The following MIGA1 variants were observed in gnomAD, a reference collection of about 807,000 sequenced individuals.
MIGA1 encodes mitoguardin 1.
In MIGA1, 58 loss-of-function variants were observed where a neutral mutation model predicts 82.0. The observed-to-expected ratio is 0.71, with a 90% CI of 0.57 to 0.88. The LOEUF (loss-of-function observed/expected upper bound fraction) is 0.88. Among genes scored for constraint, MIGA1 ranks in the 40% least tolerant of loss-of-function variants. The pLI is 0.00. For missense variants in MIGA1, 751 were observed against 749.1 expected (o/e 1.00, Z -0.03); for synonymous variants, 249 against 253.6 (o/e 0.98, Z 0.17).
intron 14 of MIGA1, among the ~76,000 whole-genome samples, chr1:77,869,649 G>A (rs1685833517): frequency 7.2e-6 from 1 of 139,168 alleles, no homozygotes; most frequent in South Asian, 2.4e-4. Flanking sequence ...GGGCGGCCGG[G>A]CAGAGGCGCC....
intron 5 of MIGA1, among the ~76,000 whole-genome samples, chr1:77,812,733 G>A (rs1164682397): frequency 6.6e-6 from 1 of 151,880 alleles, no homozygotes; most frequent in Non-Finnish European, 1.5e-5. Flanking sequence ...TTTTTAATTT[G>A]GAGAAAAGGA....
At chr1:77,780,968 G>C (rs1681885016) in intron 1 of MIGA1, among the ~76,000 whole-genome samples, 1 of 148,858 alleles carries the variant, frequency 6.7e-6, no homozygotes, top group South Asian at 2.1e-4. Context: ...GTGCAATGGC[G>C]TGATCTCTGC....
At chr1:77,827,377 G>A (rs1684071147) in intron 7 of MIGA1, among the ~76,000 whole-genome samples, 1 of 152,108 alleles carries the variant, frequency 6.6e-6, no homozygotes, top group Non-Finnish European at 1.5e-5. Flanking sequence ...GGGAGGCTGA[G>A]TGGGGAGGGT....
intron 8 of MIGA1, chr1:77,847,501 T>C: frequency 7.0e-7 from 1 of 1,432,896 alleles, no homozygotes; most frequent in Non-Finnish European, 9.8e-7. Flanking sequence ...GAACGAGAAA[T>C]GGAAAAGGAA....
In MIGA1 at chr1:77,814,243, A is replaced by T. The variant is rs151058858; in HGVS notation, c.771+376A>T. ...ATTTGCTTTATGTGCATTTAATAGAACTGTTTTTTTCTTCTTCCTTGGGAC... is the reference window on the plus strand; with the variant it reads ...ATTTGCTTTATGTGCATTTAATAGATCTGTTTTTTTCTTCTTCCTTGGGAC... On this transcript the variant is annotated intron_variant, in intron 6 of 15. Transcript: ENST00000370791. Among the ~76,000 whole-genome samples the T allele has an allele frequency of 4.1e-3, 626 of 152,028 alleles. 3 individuals carry two copies. Among genetic ancestry groups the T allele is most frequent in the African/African-American group, 0.014 (572 of 41,372 alleles).
At chr1:77,848,509 A>T in intron 8 of MIGA1, 1 of 1,173,182 alleles carries the variant, frequency 8.5e-7, no homozygotes, top group Non-Finnish European at 1.2e-6. Flanking sequence ...CCCAAGTTCT[A>T]GGGCAAAGAA....
At chr1:77,869,755 C>A (rs1685848905) in intron 14 of MIGA1, among the ~76,000 whole-genome samples, 1 of 123,244 alleles carries the variant, frequency 8.1e-6, no homozygotes, top group Admixed American at 7.3e-5. Flanking sequence ...CCCCGCCTGC[C>A]TCCCGGACGG....
At chr1:77,842,995 C>G (rs1173083695) in intron 7 of MIGA1, among the ~76,000 whole-genome samples, 1 of 152,212 alleles carries the variant, frequency 6.6e-6, no homozygotes, top group African/African-American at 2.4e-5. Flanking sequence ...TTCAAACTAG[C>G]TGTGATATAT....
At chr1:77,811,684 T>C in intron 5 of MIGA1, 1 of 1,611,916 alleles carries the variant, frequency 6.2e-7, no homozygotes, top group Non-Finnish European at 8.5e-7. Context: ...CTGATACTCG[T>C]CTATCGCCTC....
chr1:77,799,248 G>A (rs1432088378), intron 2 of MIGA1, among the ~76,000 whole-genome samples: 1 of 152,048 alleles, frequency 6.6e-6, no homozygotes. Context: ...CACAACCATT[G>A]CAAATTTGAC....
intron 5 of MIGA1, among the ~76,000 whole-genome samples, chr1:77,812,428 A>G (rs1462925288): frequency 6.6e-6 from 1 of 152,190 alleles, no homozygotes; most frequent in East Asian, 1.9e-4. Flanking sequence ...TGGGCAACAG[A>G]GTGAGACTCT....
chr1:77,786,838 T>C (rs1053573857), intron 2 of MIGA1, among the ~76,000 whole-genome samples: 2 of 152,244 alleles, frequency 1.3e-5, no homozygotes, highest in Non-Finnish European at 2.9e-5. Context: ...TATTTGAACC[T>C]CTGCCTGTTA....
At chr1:77,841,806 T>C (rs1684639276) in intron 7 of MIGA1, among the ~76,000 whole-genome samples, 1 of 151,772 alleles carries the variant, frequency 6.6e-6, no homozygotes, top group South Asian at 2.1e-4. Context: ...CTTTTTTCTT[T>C]CTTTTTTTTT....
At position 77,815,182 on chromosome 1, in the gene MIGA1, T is replaced by C; in HGVS notation, c.846T>C (p.Phe282=). ...GAGCCTATCGTCTCCAAGAGGAGTT[T>C]GAAGCTACCCTTGGGGCATCTGATC... is the stretch of plus-strand genomic sequence containing the variant. The change falls in exon 7 of 16, where the codon TTT becomes TTC. Residue 282 remains phenylalanine, a synonymous_variant. Coordinates refer to ENST00000370791, the MANE Select transcript of MIGA1 (RefSeq NM_198549.4). 1 of 1,611,058 alleles carries C rather than the reference T, an allele frequency of 6.2e-7. No individual in the cohort carries two copies. Among genetic ancestry groups the C allele is most frequent in the Non-Finnish European group, 8.5e-7 (1 of 1,178,024 alleles).
intron 5 of MIGA1, among the ~76,000 whole-genome samples, chr1:77,808,241 T>C (rs1570942828): frequency 6.6e-6 from 1 of 152,106 alleles, no homozygotes; most frequent in East Asian, 1.9e-4. Context: ...CACTTTTGAT[T>C]AGATTTAGGG....
intron 2 of MIGA1, among the ~76,000 whole-genome samples, chr1:77,788,627 T>C (rs1205505077): frequency 1.3e-5 from 2 of 152,216 alleles, no homozygotes; most frequent in Non-Finnish European, 2.9e-5. Flanking sequence ...CTTTGATCCA[T>C]TTTGAGTTAA....
chr1:77,794,470 G>A (rs1682571866), intron 2 of MIGA1, among the ~76,000 whole-genome samples: 1 of 152,136 alleles, frequency 6.6e-6, no homozygotes, highest in African/African-American at 2.4e-5. Flanking sequence ...CCTCAGTTGA[G>A]TGTGTCTTAT....
At position 77,877,203 on chromosome 1, in the gene MIGA1, G is replaced by T. The variant is rs78377913; in HGVS notation, c.*2139G>T. 6.6e-6 allele frequency: 1 copy of T among 152,074 alleles called. No homozygotes were observed. Among genetic ancestry groups the T allele is most frequent in the Non-Finnish European group, 1.5e-5 (1 of 68,000 alleles). 9.4% of individuals were successfully genotyped at this position (152,074 alleles called of 1,614,324 possible). A position where few individuals can be genotyped will look rare whatever the true frequency, so the allele number is the denominator to read the frequency against. On this transcript the variant is annotated 3_prime_UTR_variant, in exon 16 of 16. Transcript: ENST00000370791. ...CCTAGTTTCTGATTAATAAATAGAA[G>T]ATGAAAAAAGTGGGCGGGAAAAGCA...
chr1:77,791,243 TAAA>T (rs757682711), intron 2 of MIGA1, among the ~76,000 whole-genome samples: 2 of 116,942 alleles, frequency 1.7e-5, no homozygotes, highest in Non-Finnish European at 1.8e-5. Flanking sequence ...CCCTGTCTCT[TAAA>T]AAAAAAAAAA....
Sources: allele counts gnomAD v4.1 joint callset (sites outside exome capture counted in the v4.1 genomes callset), GRCh38; gene constraint gnomAD v4.1.1; transcripts MANE v1.5; gene names NCBI Gene and HGNC (gene_info 2026-07-23, HGNC 2026-07-21).